The following PDXK variants were observed in gnomAD, a reference collection of about 807,000 sequenced individuals.
PDXK encodes the protein epididymis secretory sperm binding protein Li 1a.
PDXK carries 15 observed loss-of-function variants against 43.2 expected under a neutral mutation model. The ratio of observed to expected loss-of-function variants is 0.35; its 90% CI spans 0.23 to 0.53. The LOEUF (loss-of-function observed/expected upper bound fraction) is 0.53. PDXK is among the 20% of genes least tolerant of loss of function. PDXK has a pLI of 0.92. For missense variants in PDXK, 343 were observed against 417.0 expected, an observed-to-expected ratio of 0.82 and a Z score of 1.54; for synonymous variants, 172 against 165.4, an observed-to-expected ratio of 1.04 and a Z score of -0.31.
Position 43,732,782 on chromosome 21 carries a change from C to T in PDXK, c.88-1287C>T, listed in dbSNP as rs1394722494. 3.3e-6 allele frequency: 2 copies of T among 601,842 alleles called. No homozygotes were observed. The highest frequency in any genetic ancestry group is 1.9e-5 in the African/African-American group (1 of 53,778). 37.3% of individuals were successfully genotyped at this position (601,842 alleles called of 1,614,324 possible). ...ATGTTTTTTGAGACATATTCTCACT[C>T]CGTCACCCAGGCTAGAGTGCAGTGG... On this transcript the variant is annotated intron_variant, in intron 1 of 10. Transcript: ENST00000291565. This position sits in a 1 kb window ranked among gnomAD's most constrained non-coding sequence, Gnocchi z 4.1.
chr21:43,723,452 T>G lies in PDXK; in HGVS notation c.87+4071T>G, dbSNP rs2083224902. 2 of 152,286 alleles carry G rather than the reference T, an allele frequency of 1.3e-5. No individual in the cohort carries two copies. The highest frequency in any genetic ancestry group is 4.8e-5 in the African/African-American group (2 of 41,448). 9.4% of individuals were successfully genotyped at this position (152,286 alleles called of 1,614,324 possible). ...CTGGGATTACAGGCGTGAGCCACCG[T>G]GCCCGGCCCAAAGATCCTTTTTCCA... On this transcript the variant is annotated intron_variant, in intron 1 of 10. Transcript: ENST00000291565. The surrounding 1 kb of genome is among the most constrained non-coding windows in gnomAD (Gnocchi z 4.1).
intron 6 of PDXK, among the ~76,000 whole-genome samples, 185 bp downstream of exon 6, chr21:43,749,265 C>T (rs891084021): frequency 2.6e-5 from 4 of 152,104 alleles, no homozygotes; most frequent in Admixed American, 6.5e-5. Context: ...CCACCACGCC[C>T]GGCTAATTTT....
At chr21:43,729,122 C>A (rs768033005) in intron 1 of PDXK, 144 of 640,846 alleles carry the variant, frequency 2.2e-4, no homozygotes, top group Non-Finnish European at 2.8e-4. Context: ...CGGCTCTTCC[C>A]ACCCCGGCTC....
intron 1 of PDXK, among the ~76,000 whole-genome samples, chr21:43,725,183 C>T (rs1367514091): frequency 6.6e-6 from 1 of 151,948 alleles, no homozygotes; most frequent in Non-Finnish European, 1.5e-5. Flanking sequence ...ATTAGCCAGG[C>T]GTGGTGGTGG....
At position 43,741,744 on chromosome 21, in the gene PDXK, A is replaced by T. The variant is rs746208572; in HGVS notation, c.220A>T (p.Met74Leu). The T allele has an allele frequency of 5.0e-6, 8 of 1,610,734 alleles. No homozygotes were observed. The highest frequency in any genetic ancestry group is 3.3e-5 in the Admixed American group (2 of 59,970). Residue 74 changes from methionine to leucine, a missense_variant, in exon 3 of 11, where the codon ATG (methionine) becomes TTG (leucine). Physicochemically the swap from Met to Leu is conservative, Grantham distance 15 (BLOSUM62 2). Coordinates refer to ENST00000291565, the MANE Select transcript of PDXK (RefSeq NM_003681.5). ...GTACGAAGGCCTGAGGCTGAACAAC[A>T]TGAATAAATATGACTACGTGCTCAC... is the stretch of plus-strand genomic sequence containing the variant. ...ELYEGLRLNN[M>L]NKYDYVLTGY...
At position 43,732,353 on chromosome 21, in the gene PDXK, G is replaced by A. The variant is rs2083329996; in HGVS notation, c.88-1716G>A. 6.2e-7 allele frequency: 1 copy of A among 1,609,886 alleles called. No homozygotes were observed. The highest frequency in any genetic ancestry group is 1.3e-5 in the African/African-American group (1 of 74,870). On this transcript the variant is annotated intron_variant, in intron 1 of 10. Coordinates refer to ENST00000291565, the MANE Select transcript of PDXK (RefSeq NM_003681.5). This position sits in a 1 kb window ranked among gnomAD's most constrained non-coding sequence, Gnocchi z 4.1. ...CCGTGCATTGTCGTCTTCTGAGTCT[G>A]GCTTTGTCTGGCACATGAAGTTGGA...
Position 43,719,468 on chromosome 21 carries a change from G to A in PDXK, c.87+87G>A. 3.7e-6 allele frequency: 5 copies of A among 1,349,934 alleles called. No homozygotes were observed. In the South Asian group the frequency reaches 5.5e-5, roughly 15 times the overall value. 83.6% of individuals were successfully genotyped at this position (1,349,934 alleles called of 1,614,324 possible). On this transcript the variant is annotated intron_variant, in intron 1 of 10. Coordinates refer to ENST00000291565, the MANE Select transcript of PDXK (RefSeq NM_003681.5). ...CCGAGACGAGCCTCAGTTCCCCGAGGGAGGCTCGGGAGCTGCGGGCAGAGC... is the reference window on the plus strand; with the variant it reads ...CCGAGACGAGCCTCAGTTCCCCGAGAGAGGCTCGGGAGCTGCGGGCAGAGC...
chr21:43,734,008 G>A lies in PDXK; in HGVS notation c.88-61G>A, dbSNP rs2083363569. ...CCCTCTTCTGAGTCAGCACCTGCTG[G>A]GGTTCGTGGGACCCCAGACCTGGCT... On this transcript the variant is annotated intron_variant, in intron 1 of 10. Coordinates refer to ENST00000291565, the MANE Select transcript of PDXK (RefSeq NM_003681.5). The surrounding 1 kb of genome is among the most constrained non-coding windows in gnomAD (Gnocchi z 5.0). The A allele has an allele frequency of 1.3e-6, 2 of 1,539,218 alleles. No individual in the cohort carries two copies. The highest frequency in any genetic ancestry group is 2.2e-5 in the South Asian group (2 of 89,482).
At chr21:43,739,951 G>A (rs1035533637) in intron 2 of PDXK, among the ~76,000 whole-genome samples, 8 of 147,506 alleles carry the variant, frequency 5.4e-5, no homozygotes, top group African/African-American at 9.9e-5. Flanking sequence ...ACCCTCCACC[G>A]GAGGGGCAGG....
chr21:43,739,882 C>T (rs1432400805), intron 2 of PDXK, among the ~76,000 whole-genome samples: 1 of 151,936 alleles, frequency 6.6e-6, no homozygotes. Context: ...GCTCACCTCC[C>T]TCCTCCTACC....
intron 1 of PDXK, among the ~76,000 whole-genome samples, chr21:43,720,576 G>C (rs986726466): frequency 6.6e-6 from 1 of 152,188 alleles, no homozygotes; most frequent in Non-Finnish European, 1.5e-5. Flanking sequence ...TTGAGACCCT[G>C]TTCCATCCAG....
chr21:43,723,146 T>G lies in PDXK; in HGVS notation c.87+3765T>G, dbSNP rs191869682. On this transcript the variant is annotated intron_variant, in intron 1 of 10. Coordinates refer to ENST00000291565, the MANE Select transcript of PDXK (RefSeq NM_003681.5). The surrounding 1 kb of genome is among the most constrained non-coding windows in gnomAD (Gnocchi z 4.1). ...GGGCCACCACGCCTGGCCTTCTTTT[T>G]CTTTTTCTTTCTTTTTTTTTTTTTT... Among the ~76,000 whole-genome samples, 64 of 149,460 alleles carry G rather than the reference T, an allele frequency of 4.3e-4. 2 individuals are homozygous for G. The East Asian group carries it at 6.3e-3, about 15-fold the overall frequency.
rs540279265 is a variant in PDXK at position 43,739,984 on chromosome 21, C to T, written c.143-1683C>T. 2.5e-4 allele frequency among the ~76,000 whole-genome samples: 38 copies of T among 151,964 alleles called. No individual in the cohort carries two copies. The South Asian group carries it at 3.3e-3, about 13-fold the overall frequency. On this transcript the variant is annotated intron_variant, in intron 2 of 10. Transcript: ENST00000291565. Reference sequence around the variant, plus strand: ...AGGCTGCTGTGTGAGGCACTGACCTCGCCCGCAGTGGATACCACCTGCCCC... The same window carrying T: ...AGGCTGCTGTGTGAGGCACTGACCTTGCCCGCAGTGGATACCACCTGCCCC...
chr21:43,755,052 A>G (rs1198885563), intron 9 of PDXK, among the ~76,000 whole-genome samples: 1 of 152,186 alleles, frequency 6.6e-6, no homozygotes, highest in Non-Finnish European at 1.5e-5. Flanking sequence ...GGCAGTGGAA[A>G]AGTGCCAGCT....
chr21:43,738,563 T>C (rs1231852501), intron 2 of PDXK: 2 of 152,410 alleles, frequency 1.3e-5, no homozygotes, highest in Non-Finnish European at 1.5e-5. Context: ...ATTGCCATCA[T>C]GTTCGCATGC....
chr21:43,755,601 C>T (rs574272482), intron 9 of PDXK, 97 bp from the exon 10 acceptor site: 60 of 1,028,108 alleles, frequency 5.8e-5, no homozygotes, highest in South Asian at 2.6e-4. Flanking sequence ...GAGAGCAGGA[C>T]GGCCCTTGTG....
intron 2 of PDXK, chr21:43,736,988 G>C (rs2083414850): frequency 2.8e-6 from 2 of 702,128 alleles, no homozygotes; most frequent in Non-Finnish European, 5.2e-6. Flanking sequence ...AGGCTGGCGT[G>C]AAGTGGCGCA....
intron 1 of PDXK, among the ~76,000 whole-genome samples, chr21:43,730,314 C>T (rs1426377144): frequency 3.3e-5 from 5 of 152,016 alleles, no homozygotes; most frequent in African/African-American, 7.2e-5. Context: ...TTAGTAGAGA[C>T]GGGGTTTTGC....
chr21:43,733,744 G>T, intron 1 of PDXK: 1 of 999,822 alleles, frequency 1.0e-6, no homozygotes, highest in Non-Finnish European at 1.3e-6. Flanking sequence ...GTCTTATTGA[G>T]TGCTTTCGCT....
Sources: allele counts gnomAD v4.1 joint callset (sites outside exome capture counted in the v4.1 genomes callset), GRCh38; gene constraint gnomAD v4.1.1; non-coding constraint Gnocchi (gnomAD v3.1); transcripts MANE v1.5; gene names NCBI Gene and HGNC (gene_info 2026-07-23, HGNC 2026-07-21).